IZUMO1: variants seen among roughly 807,000 people sequenced by gnomAD.
The protein encoded by IZUMO1 is izumo sperm-egg fusion protein 1.
Under a neutral mutation model 40.7 loss-of-function variants are expected in IZUMO1, and 44 were observed. That is an observed-to-expected ratio of 1.08 (90% CI 0.85 to 1.39). IZUMO1 has a LOEUF of 1.39. IZUMO1 is among the 40% of genes most tolerant of loss of function. The pLI, the probability that IZUMO1 is intolerant of heterozygous loss-of-function variation, is 0.00. For synonymous variants in IZUMO1, 149 were observed against 170.9 expected (o/e 0.87, Z 1.00); for missense variants, 368 against 436.9 (o/e 0.84, Z 1.41).
chr19:48,743,268 C>A, intron 6 of IZUMO1, 177 bp downstream of exon 6: 1 of 607,712 alleles, frequency 1.6e-6, no homozygotes, highest in East Asian at 2.8e-5. Context: ...CTTCCCAATC[C>A]TCCCGTCTCA....
chr19:48,746,607 C>T lies in IZUMO1; in HGVS notation c.-246G>A, dbSNP rs2033892182. 3.0e-6 allele frequency: 3 copies of T among 985,448 alleles called. No homozygotes were observed. The highest frequency in any genetic ancestry group is 1.1e-4 in the East Asian group (1 of 8,936). The allele number at this position is 985,448 out of a possible 1,614,324, so 61.0% of individuals were successfully genotyped here. ...GATGCATCCTGAACAGTGATGCACC[C>T]TAAACAGCCGCTCCCCGACCTTGGT... On this transcript the variant is annotated 5_prime_UTR_variant, in exon 1 of 10. Coordinates refer to ENST00000332955, the MANE Select transcript of IZUMO1 (RefSeq NM_182575.3).
At chr19:48,745,596 C>T (rs2033861964) in intron 2 of IZUMO1, 29 bp downstream of exon 2, 1 of 1,612,634 alleles carries the variant, frequency 6.2e-7, no homozygotes, top group African/African-American at 1.3e-5. Context: ...TCCCAGGACC[C>T]AGGGGTCCGT....
rs527514617 is a variant in IZUMO1 at position 48,745,402 on chromosome 19, C to G, written c.236-114G>C. ...GGGCAAAGATAGGCCTGGTTAAGGA[C>G]TCAGCCGCCCGTTGCCTTCTGGGAG... On this transcript the variant is annotated intron_variant, in intron 2 of 9. Transcript: ENST00000332955. The G allele has an allele frequency of 4.5e-4, 483 of 1,085,218 alleles. 3 individuals are homozygous for G. The South Asian group carries it at 6.1e-3, about 14-fold the overall frequency. The allele number at this position is 1,085,218 out of a possible 1,614,324, so 67.2% of individuals were successfully genotyped here. A position where few individuals can be genotyped will look rare whatever the true frequency, so the allele number is the denominator to read the frequency against.
In IZUMO1 at chr19:48,741,765, TTC is replaced by T; in HGVS notation, c.754+22_754+23del. 6.5e-7 allele frequency: 1 copy of T among 1,534,262 alleles called. No homozygotes were observed. The highest frequency in any genetic ancestry group is 1.8e-4 in the Middle Eastern group (1 of 5,710). ...CTTTCCTGGGCCCTGAATCCTACAC[TTC>T]TCTCAGCCCCACAGCACTGACCTGT... On this transcript the variant is annotated intron_variant, in intron 8 of 9. Coordinates refer to ENST00000332955, the MANE Select transcript of IZUMO1 (RefSeq NM_182575.3). The surrounding 1 kb of genome is among the most constrained non-coding windows in gnomAD (Gnocchi z 4.4).
rs769643868 is a variant in IZUMO1 at position 48,745,236 on chromosome 19, G to GC, written c.287dup (p.Ile97HisfsTer5). 23 of 1,613,820 alleles carry GC rather than the reference G, an allele frequency of 1.4e-5. No individual in the cohort carries two copies. In the Admixed American group the frequency reaches 3.3e-4, roughly 23 times the overall value. ...TACCTTTTACATCACTGTCTGTGAT[G>GC]CGTTTCAGATCCTTCAGCAAACTCC... On this transcript the variant is annotated frameshift_variant, in exon 3 of 10. Coordinates refer to ENST00000332955, the MANE Select transcript of IZUMO1 (RefSeq NM_182575.3). LOFTEE classifies it high-confidence loss of function.
In IZUMO1 at chr19:48,741,153, GTCC is replaced by G; in HGVS notation, c.933-128_933-126del. 2 of 1,488,642 alleles carry G rather than the reference GTCC, an allele frequency of 1.3e-6. No homozygotes were observed. Among genetic ancestry groups the G allele is most frequent in the Non-Finnish European group, 1.8e-6 (2 of 1,099,266 alleles). The allele number at this position is 1,488,642 out of a possible 1,614,324, so 92.2% of individuals were successfully genotyped here. On this transcript the variant is annotated intron_variant, in intron 9 of 9. Transcript: ENST00000332955. This position sits in a 1 kb window ranked among gnomAD's most constrained non-coding sequence, Gnocchi z 4.4. Reference sequence around the variant, plus strand: ...AATTACCTAAGCCTCGCCCTTCGAAGTCCTCCTATTCAAGCCCCCCGCACTCCA... The same window carrying G: ...AATTACCTAAGCCTCGCCCTTCGAAGTCCTATTCAAGCCCCCCGCACTCCA...
intron 3 of IZUMO1, 102 bp downstream of exon 3, chr19:48,745,112 G>A: frequency 1.1e-6 from 1 of 944,456 alleles, no homozygotes; most frequent in Non-Finnish European, 1.7e-6. Context: ...TTGGAATCTA[G>A]GCGGTCTGGG....
At chr19:48,743,164 C>A in intron 6 of IZUMO1, 1 of 425,670 alleles carries the variant, frequency 2.3e-6, no homozygotes, top group South Asian at 2.4e-5. Context: ...GTAGCTGGGA[C>A]TACAGGAACG....
In IZUMO1 at chr19:48,741,580, GC is replaced by G; in HGVS notation, c.755-103del. The G allele has an allele frequency of 7.3e-7, 1 of 1,362,696 alleles. No individual in the cohort carries two copies. Among genetic ancestry groups the G allele is most frequent in the Non-Finnish European group, 1.0e-6 (1 of 988,466 alleles). The allele number at this position is 1,362,696 out of a possible 1,614,324, so 84.4% of individuals were successfully genotyped here. On this transcript the variant is annotated intron_variant, in intron 8 of 9. Transcript: ENST00000332955. The surrounding 1 kb of genome is among the most constrained non-coding windows in gnomAD (Gnocchi z 4.4). Reference sequence around the variant, plus strand: ...AGCCGGCCATCCCAGAGATAATCACGCCTTCAACAGTGTCAAGCCTGAACAC... The same window carrying G: ...AGCCGGCCATCCCAGAGATAATCACGCTTCAACAGTGTCAAGCCTGAACAC...
chr19:48,746,693 C>A lies in IZUMO1; in HGVS notation c.-332G>T, dbSNP rs1346012228. On this transcript the variant is annotated 5_prime_UTR_variant, in exon 1 of 10. Coordinates refer to ENST00000332955, the MANE Select transcript of IZUMO1 (RefSeq NM_182575.3). ...AGGAGCCCGGTCCAGGTTCTGAGGG[C>A]TTTTAAAGAGGAAGCCGGGGTCATG... 3.0e-6 allele frequency: 3 copies of A among 985,340 alleles called. No individual in the cohort carries two copies. Among genetic ancestry groups the A allele is most frequent in the Non-Finnish European group, 3.6e-6 (3 of 829,948 alleles). 61.0% of individuals were successfully genotyped at this position (985,340 alleles called of 1,614,324 possible). A position where few individuals can be genotyped will look rare whatever the true frequency, so the allele number is the denominator to read the frequency against.
rs1204942476 is a variant in IZUMO1, at chr19:48,746,898, T to C, written c.-537A>G. 1 of 985,422 alleles carries C rather than the reference T, an allele frequency of 1.0e-6. No homozygotes were observed. Among genetic ancestry groups the C allele is most frequent in the Non-Finnish European group, 1.2e-6 (1 of 829,914 alleles). 61.0% of individuals were successfully genotyped at this position (985,422 alleles called of 1,614,324 possible). ...TCTCACGTAGGGGCCCGAATTCCTT[T>C]ATAGATATTCCTTGGGGTTTTCCTC... On this transcript the variant is annotated 5_prime_UTR_variant, in exon 1 of 10. In the 5' UTR this introduces an upstream ATG that the reference lacks. Transcript: ENST00000332955.
At chr19:48,742,085 G>A (rs1009546448) in intron 7 of IZUMO1, 124 bp downstream of exon 7, 2 of 1,500,580 alleles carry the variant, frequency 1.3e-6, no homozygotes, top group Non-Finnish European at 1.8e-6. Context: ...CCAGAGGTCT[G>A]TAGAGACCAC....
At chr19:48,743,078 G>C (rs1428656753) in intron 6 of IZUMO1, 4 of 199,944 alleles carry the variant, frequency 2.0e-5, no homozygotes, top group African/African-American at 9.4e-5. Context: ...CTGGGCTGGA[G>C]TGCAGTGGTA....
In IZUMO1 at chr19:48,743,767, C is replaced by A. The variant is rs12462335; in HGVS notation, c.419-242G>T. 1,139 of 539,922 alleles carry A rather than the reference C, an allele frequency of 2.1e-3. 29 individuals are homozygous for A. In the Admixed American group the frequency reaches 0.031, roughly 15 times the overall value. 33.4% of individuals were successfully genotyped at this position (539,922 alleles called of 1,614,324 possible). Reference sequence around the variant, plus strand: ...CAGCACTTTGGGAGGCCGAGGCGGGCGGATCACAAGGTCAGGAGTTCAAGA... The same window carrying A: ...CAGCACTTTGGGAGGCCGAGGCGGGAGGATCACAAGGTCAGGAGTTCAAGA... On this transcript the variant is annotated intron_variant, in intron 5 of 9. Coordinates refer to ENST00000332955, the MANE Select transcript of IZUMO1 (RefSeq NM_182575.3).
At position 48,741,498 on chromosome 19, in the gene IZUMO1, G is replaced by A. The variant is rs749284799; in HGVS notation, c.755-20C>T. 4 of 1,592,054 alleles carry A rather than the reference G, an allele frequency of 2.5e-6. No individual in the cohort carries two copies. In the African/African-American group the frequency reaches 4.0e-5, roughly 16 times the overall value. On this transcript the variant is annotated intron_variant, in intron 8 of 9. Coordinates refer to ENST00000332955, the MANE Select transcript of IZUMO1 (RefSeq NM_182575.3). This position sits in a 1 kb window ranked among gnomAD's most constrained non-coding sequence, Gnocchi z 4.4. ...GCAACACTGTTAGAGAAAGCGTAAAGAGCAGTCCTGGCAGGGCGTGGAGTT... is the reference window on the plus strand; with the variant it reads ...GCAACACTGTTAGAGAAAGCGTAAAAAGCAGTCCTGGCAGGGCGTGGAGTT...
chr19:48,745,484 G>T, intron 2 of IZUMO1, 141 bp downstream of exon 2: 2 of 1,115,274 alleles, frequency 1.8e-6, no homozygotes, highest in Non-Finnish European at 1.3e-6. Context: ...GTATTTACTA[G>T]CCTCGGGGAA....
chr19:48,746,111 G>C, intron 1 of IZUMO1, 179 bp from the exon 2 acceptor site: 4 of 1,358,996 alleles, frequency 2.9e-6, no homozygotes, highest in Non-Finnish European at 2.8e-6. Context: ...CCAAAATTTA[G>C]GGTTCTCACT....
intron 2 of IZUMO1, 75 bp from the exon 3 acceptor site, chr19:48,745,363 C>A: frequency 7.5e-7 from 1 of 1,340,682 alleles, no homozygotes; most frequent in Non-Finnish European, 1.1e-6. Flanking sequence ...AACTACAATA[C>A]CCATGAGGCC....
In IZUMO1 at chr19:48,741,078, T is replaced by C; in HGVS notation, c.933-50A>G. 3 of 1,608,824 alleles carry C rather than the reference T, an allele frequency of 1.9e-6. No individual in the cohort carries two copies. Among genetic ancestry groups the C allele is most frequent in the Non-Finnish European group, 2.5e-6 (3 of 1,177,070 alleles). ...TCATGGAACCGGTTTGGGTACTAATTGTGTGGGGGACACCCCTCCCAACCT... is the reference window on the plus strand; with the variant it reads ...TCATGGAACCGGTTTGGGTACTAATCGTGTGGGGGACACCCCTCCCAACCT... On this transcript the variant is annotated intron_variant, in intron 9 of 9. Transcript: ENST00000332955. This position sits in a 1 kb window ranked among gnomAD's most constrained non-coding sequence, Gnocchi z 4.4.
Sources: allele counts gnomAD v4.1 joint callset, GRCh38; gene constraint gnomAD v4.1.1; non-coding constraint Gnocchi (gnomAD v3.1); transcripts MANE v1.5; gene names NCBI Gene and HGNC (gene_info 2026-07-23, HGNC 2026-07-21).